RANBP2: variants seen among roughly 807,000 people sequenced by gnomAD.
RANBP2 encodes RAN binding protein 2, also known as E3 SUMO-protein ligase RanBP2.
Under a neutral mutation model 303.6 loss-of-function variants are expected in RANBP2, and 57 were observed. That is an observed-to-expected ratio of 0.19 (90% CI 0.15 to 0.23). RANBP2 has a LOEUF of 0.23. RANBP2 is among the 10% of genes least tolerant of loss of function. The pLI is 1.00. For synonymous variants in RANBP2, 1,167 were observed against 1,301.5 expected, an observed-to-expected ratio of 0.90 and a Z score of 2.23; for missense variants, 3,138 against 3,780.8, an observed-to-expected ratio of 0.83 and a Z score of 4.46.
At chr2:108,857,084 TTTTTTTTTTTTTTG>T in the RANBP2 span, 1 of 528,244 alleles carries the variant, frequency 1.9e-6, no homozygotes, top group African/African-American at 2.4e-5. Flanking sequence ...TTTTTTTTTT[TTTTTTTTTTTTTTG>T]AGATGGAGTC....
At chr2:108,743,472 G>C (rs893233530) in intron 7 of RANBP2, among the ~76,000 whole-genome samples, 132 of 152,126 alleles carry the variant, frequency 8.7e-4, no homozygotes, top group Non-Finnish European at 1.8e-4. Flanking sequence ...ACAAGGTCTT[G>C]CTATGTTTCC....
the RANBP2 span, among the ~76,000 whole-genome samples, chr2:109,209,156 T>C: frequency 1.3e-5 from 2 of 152,238 alleles, no homozygotes; most frequent in African/African-American, 4.8e-5. Context: ...CCCTCTGTGC[T>C]GTGGTCTGCC....
chr2:108,984,959 T>C, the RANBP2 span, among the ~76,000 whole-genome samples: 1 of 152,136 alleles, frequency 6.6e-6, no homozygotes, highest in African/African-American at 2.4e-5. Flanking sequence ...ATATGGCAAA[T>C]GGAAGTTTTA....
the RANBP2 span, among the ~76,000 whole-genome samples, chr2:109,120,662 C>T: frequency 3.6e-5 from 4 of 112,036 alleles, no homozygotes; most frequent in East Asian, 2.6e-4. Flanking sequence ...AGCGAAACTC[C>T]GTCTCAAAAA....
the RANBP2 span, among the ~76,000 whole-genome samples, chr2:109,722,295 C>G: frequency 6.6e-6 from 1 of 152,298 alleles, no homozygotes; most frequent in East Asian, 1.9e-4. Context: ...TACACTAAGA[C>G]CTGCTGGCCA....
At chr2:109,062,440 G>A in the RANBP2 span, among the ~76,000 whole-genome samples, 2 of 152,060 alleles carry the variant, frequency 1.3e-5, no homozygotes, top group East Asian at 3.9e-4. Flanking sequence ...TTCTAAGCCA[G>A]TCCCTGGCTT....
the RANBP2 span, among the ~76,000 whole-genome samples, chr2:109,416,790 C>T: frequency 6.6e-6 from 1 of 151,566 alleles, no homozygotes; most frequent in Non-Finnish European, 1.5e-5. Context: ...ACTGTAATCC[C>T]GGCTACTCAG....
the RANBP2 span, among the ~76,000 whole-genome samples, chr2:108,992,824 G>A: frequency 1.3e-4 from 20 of 152,156 alleles, no homozygotes; most frequent in Non-Finnish European, 2.1e-4. Flanking sequence ...CCCCTGCCTC[G>A]TGGCACAGTG....
At chr2:109,139,940 A>T in the RANBP2 span, among the ~76,000 whole-genome samples, 1 of 152,234 alleles carries the variant, frequency 6.6e-6, no homozygotes, top group African/African-American at 2.4e-5. Context: ...GTTCCTAGGC[A>T]GATGGAGGCT....
the RANBP2 span, among the ~76,000 whole-genome samples, chr2:109,649,068 C>A: frequency 6.6e-6 from 1 of 152,162 alleles, no homozygotes; most frequent in South Asian, 2.1e-4. Context: ...TGCTCGGTAA[C>A]TACTTTCACC....
At chr2:109,132,233 T>C in the RANBP2 span, among the ~76,000 whole-genome samples, 5 of 152,220 alleles carry the variant, frequency 3.3e-5, no homozygotes, top group African/African-American at 1.2e-4. Flanking sequence ...ACATCTTCTT[T>C]TGGGCCAATT....
chr2:108,751,769 A>C, intron 11 of RANBP2, 66 bp downstream of exon 11: 4 of 1,609,138 alleles, frequency 2.5e-6, no homozygotes, highest in Middle Eastern at 2.3e-4. Flanking sequence ...TTTAATCCTC[A>C]TGTGAAGATT....
the RANBP2 span, among the ~76,000 whole-genome samples, chr2:109,409,993 A>T: frequency 6.6e-6 from 1 of 152,290 alleles, no homozygotes; most frequent in East Asian, 1.9e-4. Context: ...GTGTCAAAGA[A>T]AGAGACTCGG....
chr2:108,736,453 T>C (rs913612710), intron 6 of RANBP2, among the ~76,000 whole-genome samples: 20 of 152,224 alleles, frequency 1.3e-4, no homozygotes, highest in Non-Finnish European at 2.2e-4. Context: ...ACTTTCCTTT[T>C]TAGAGAACTC....
the RANBP2 span, among the ~76,000 whole-genome samples, chr2:109,625,035 G>A: frequency 6.8e-6 from 1 of 147,382 alleles, no homozygotes; most frequent in African/African-American, 2.5e-5. Flanking sequence ...GAGTGGAGAT[G>A]GCACCACTGC....
At chr2:109,669,363 A>G in the RANBP2 span, among the ~76,000 whole-genome samples, 1 of 152,338 alleles carries the variant, frequency 6.6e-6, no homozygotes, top group East Asian at 1.9e-4. Context: ...CAGCACAGCA[A>G]AAGAAACAAC....
intron 6 of RANBP2, among the ~76,000 whole-genome samples, chr2:108,739,087 T>C (rs1427618379): frequency 6.6e-6 from 1 of 152,116 alleles, no homozygotes; most frequent in Non-Finnish European, 1.5e-5. Flanking sequence ...TGTAAAACTA[T>C]TACATGTCAT....
At chr2:109,130,035 T>C in the RANBP2 span, 1 of 1,352,448 alleles carries the variant, frequency 7.4e-7, no homozygotes, top group South Asian at 1.8e-5. Flanking sequence ...GTTCCCCGGT[T>C]TTCCTCTCCG....
At chr2:108,804,860 AG>A in the RANBP2 span, 9 of 1,479,902 alleles carry the variant, frequency 6.1e-6, no homozygotes, top group Admixed American at 1.9e-4. Flanking sequence ...TACAAGTTTT[AG>A]ATGAGAGTTT....
Sources: gnomAD v4.1 joint callset for allele counts (sites outside exome capture counted in the v4.1 genomes callset) on GRCh38, gnomAD v4.1.1 for gene constraint, MANE v1.5 for transcripts, NCBI Gene and HGNC (gene_info 2026-07-23, HGNC 2026-07-21) for gene names.